VPS37C: variants seen among roughly 807,000 people sequenced by gnomAD.
VPS37C encodes the protein VPS37C subunit of ESCRT-I, also known as vacuolar protein sorting-associated protein 37C.
In VPS37C, 9 loss-of-function variants were observed where a neutral mutation model predicts 16.1. The ratio of observed to expected loss-of-function variants is 0.56; its 90% CI spans 0.34 to 0.97. The LOEUF (loss-of-function observed/expected upper bound fraction) is 0.97. Ranked by LOEUF, VPS37C falls within the 50% of genes least tolerant of loss-of-function variation. The probability of loss-of-function intolerance (pLI) is 0.02; values close to 1 mark genes in which losing one functional copy is unlikely to be tolerated. For synonymous variants in VPS37C, 207 were observed against 206.4 expected, an observed-to-expected ratio of 1.00 and a Z score of -0.02; for missense variants, 479 against 472.7, an observed-to-expected ratio of 1.01 and a Z score of -0.12.
intron 1 of VPS37C, among the ~76,000 whole-genome samples, chr11:61,153,978 C>T (rs1224557264): frequency 6.6e-6 from 1 of 152,240 alleles, no homozygotes; most frequent in African/African-American, 2.4e-5. Context: ...TGGTAAAGCA[C>T]TAAGGACAGA....
chr11:61,134,536 A>G (rs1377661554), intron 2 of VPS37C, among the ~76,000 whole-genome samples: 2 of 152,224 alleles, frequency 1.3e-5, no homozygotes, highest in Admixed American at 1.3e-4. Flanking sequence ...ACCAATTTAC[A>G]TGAGAAAAAG....
At chr11:61,149,183 G>A (rs1016307562) in intron 1 of VPS37C, among the ~76,000 whole-genome samples, 2 of 152,220 alleles carry the variant, frequency 1.3e-5, no homozygotes, top group Non-Finnish European at 2.9e-5. Context: ...CTACTCAGGA[G>A]GCTGAGGCAG....
chr11:61,132,112 G>A lies in VPS37C; in HGVS notation c.776C>T (p.Ser259Phe). Residue 259 changes from serine to phenylalanine, a missense_variant, in exon 5 of 5, where the codon TCC (serine) becomes TTC (phenylalanine). By Grantham distance (155) the Ser-to-Phe change is radical. Coordinates refer to ENST00000301765, the MANE Select transcript of VPS37C (RefSeq NM_017966.5). ...QLGPRGAAGY[S>F]WSPQRSMPPR... ...TGGCATGCTCCTCTGTGGGGACCAGGAGTAACCCGCAGCACCCCTGGGTCC... is the reference window on the plus strand; with the variant it reads ...TGGCATGCTCCTCTGTGGGGACCAGAAGTAACCCGCAGCACCCCTGGGTCC... 1.4e-6 allele frequency: 2 copies of A among 1,432,880 alleles called. No individual in the cohort carries two copies. Among genetic ancestry groups the A allele is most frequent in the South Asian group, 3.0e-5 (2 of 65,736 alleles). The allele number at this position is 1,432,880 out of a possible 1,614,324, so 88.8% of individuals were successfully genotyped here.
At position 61,138,931 on chromosome 11, in the gene VPS37C, T is replaced by C. The variant is rs11605375; in HGVS notation, c.-6-96A>G. 1,680 of 1,129,742 alleles carry C rather than the reference T, an allele frequency of 1.5e-3. 3 individuals are homozygous for C. Among genetic ancestry groups the C allele is most frequent in the Non-Finnish European group, 2.1e-3 (1,576 of 752,844 alleles). The allele number at this position is 1,129,742 out of a possible 1,614,324, so 70.0% of individuals were successfully genotyped here. On this transcript the variant is annotated intron_variant, in intron 1 of 4. Transcript: ENST00000301765. ...TGATTTATCAAAAACAAACTGGAGT[T>C]TTCCTGCGATAATACCACTCCACCG...
intron 2 of VPS37C, among the ~76,000 whole-genome samples, chr11:61,137,788 T>C (rs759730024): frequency 6.6e-6 from 1 of 152,088 alleles, no homozygotes; most frequent in Non-Finnish European, 1.5e-5. Flanking sequence ...TTCAACCCAA[T>C]GTTCAGTCAC....
intron 1 of VPS37C, among the ~76,000 whole-genome samples, chr11:61,146,766 T>G (rs1853212802): frequency 6.6e-6 from 1 of 152,242 alleles, no homozygotes; most frequent in Non-Finnish European, 1.5e-5. Flanking sequence ...CCCTGGTTCC[T>G]CACTACCAGC....
chr11:61,148,488 C>T (rs1188667833), intron 1 of VPS37C, among the ~76,000 whole-genome samples: 1 of 151,762 alleles, frequency 6.6e-6, no homozygotes, highest in Non-Finnish European at 1.5e-5. Flanking sequence ...GAAATATTTG[C>T]AGGCCTAATC....
At chr11:61,133,013 C>T (rs1861300920) in intron 4 of VPS37C, 1 of 622,212 alleles carries the variant, frequency 1.6e-6, no homozygotes, top group Non-Finnish European at 2.9e-6. Context: ...TGCTGCCCTA[C>T]CATCCAGGGC....
At chr11:61,159,190 A>G (rs1298171009) in intron 1 of VPS37C, among the ~76,000 whole-genome samples, 1 of 152,230 alleles carries the variant, frequency 6.6e-6, no homozygotes, top group Non-Finnish European at 1.5e-5. Context: ...CAATAAACAA[A>G]AAGAAAACAA....
rs113890928 is a variant in VPS37C at position 61,134,294 on chromosome 11, T to C, written c.94-87A>G. 7.2e-5 allele frequency: 104 copies of C among 1,444,138 alleles called. 1 individual carries two copies. The highest frequency in any genetic ancestry group is 3.2e-4 in the African/African-American group (23 of 71,084). 89.5% of individuals were successfully genotyped at this position (1,444,138 alleles called of 1,614,324 possible). On this transcript the variant is annotated intron_variant, in intron 2 of 4. Coordinates refer to ENST00000301765, the MANE Select transcript of VPS37C (RefSeq NM_017966.5). ...CTGGGTCAGGGGCTTCGGGGACACATTGCTCACCTTGGGGCGGAGAGGCTC... is the reference window on the plus strand; with the variant it reads ...CTGGGTCAGGGGCTTCGGGGACACACTGCTCACCTTGGGGCGGAGAGGCTC...
chr11:61,131,677 GTCCC>G lies in VPS37C; in HGVS notation c.*139_*142del, dbSNP rs1453223139. 9 of 1,141,410 alleles carry G rather than the reference GTCCC, an allele frequency of 7.9e-6. No homozygotes were observed. Among genetic ancestry groups the G allele is most frequent in the Non-Finnish European group, 9.9e-6 (9 of 905,980 alleles). The allele number at this position is 1,141,410 out of a possible 1,614,324, so 70.7% of individuals were successfully genotyped here. On this transcript the variant is annotated 3_prime_UTR_variant, in exon 5 of 5. Coordinates refer to ENST00000301765, the MANE Select transcript of VPS37C (RefSeq NM_017966.5). ...GACCAGTCACACCGCCCAGTGCCTT[GTCCC>G]TCCAAGGCCTCTGGGTGCCGACGCA... is the stretch of plus-strand genomic sequence containing the variant.
At position 61,132,367 on chromosome 11, in the gene VPS37C, C is replaced by T. The variant is rs375223987; in HGVS notation, c.521G>A (p.Arg174His). 2.8e-5 allele frequency: 43 copies of T among 1,522,732 alleles called. No homozygotes were observed. The highest frequency in any genetic ancestry group is 2.4e-4 in the East Asian group (9 of 38,238). The allele number at this position is 1,522,732 out of a possible 1,614,324, so 94.3% of individuals were successfully genotyped here. A position where few individuals can be genotyped will look rare whatever the true frequency, so the allele number is the denominator to read the frequency against. The change falls in exon 5 of 5, where the codon CGT becomes CAT. Residue 174 changes from arginine (R) to histidine (H), a missense_variant. By Grantham distance (29) the Arg-to-His change is conservative (BLOSUM62 0). Coordinates refer to ENST00000301765, the MANE Select transcript of VPS37C (RefSeq NM_017966.5). Reference protein sequence around the residue: ...QELAGDAPPPRPPPPVRPVPQ... With the variant: ...QELAGDAPPPHPPPPVRPVPQ... ...GACTGGGCGCACCGGGGGTGGTGGACGGGGTGGAGGGGCATCGCCGGCCAG... is the reference window on the plus strand; with the variant it reads ...GACTGGGCGCACCGGGGGTGGTGGATGGGGTGGAGGGGCATCGCCGGCCAG...
chr11:61,157,029 G>A (rs1482105610), intron 1 of VPS37C, among the ~76,000 whole-genome samples: 1 of 152,228 alleles, frequency 6.6e-6, no homozygotes, highest in African/African-American at 2.4e-5. Context: ...TTAGGATAAT[G>A]TCTTCAAGGT....
chr11:61,151,421 G>C (rs1481832183), intron 1 of VPS37C, among the ~76,000 whole-genome samples: 3 of 152,214 alleles, frequency 2.0e-5, no homozygotes, highest in South Asian at 2.1e-4. Flanking sequence ...CTGCAGGGGA[G>C]ACCCAGGGAT....
chr11:61,148,003 C>A (rs184475277), intron 1 of VPS37C, among the ~76,000 whole-genome samples: 9 of 152,314 alleles, frequency 5.9e-5, no homozygotes, highest in Non-Finnish European at 1.2e-4. Flanking sequence ...ATAATCCCAC[C>A]TTAGGGGTTG....
chr11:61,153,382 G>C (rs1204715884), intron 1 of VPS37C, among the ~76,000 whole-genome samples: 1 of 152,206 alleles, frequency 6.6e-6, no homozygotes, highest in Non-Finnish European at 1.5e-5. Flanking sequence ...CAAACATGCA[G>C]AAGTGTGAGT....
At position 61,133,375 on chromosome 11, in the gene VPS37C, G is replaced by T. The variant is rs1012250256; in HGVS notation, c.266-38C>A. 3 of 1,603,900 alleles carry T rather than the reference G, an allele frequency of 1.9e-6. No homozygotes were observed. In the African/African-American group the frequency reaches 4.0e-5, roughly 21 times the overall value. On this transcript the variant is annotated intron_variant, in intron 3 of 4. Coordinates refer to ENST00000301765, the MANE Select transcript of VPS37C (RefSeq NM_017966.5). ...GCAGAACGACTGACATTTGAAAAGT[G>T]CTTCCTGATTCAGTGTTAAAGGCAC...
At chr11:61,144,700 C>G (rs1172478015) in intron 1 of VPS37C, 2 of 152,410 alleles carry the variant, frequency 1.3e-5, no homozygotes, top group African/African-American at 4.8e-5. Context: ...GGCCACAGCT[C>G]ATGAGACGAG....
In VPS37C at chr11:61,133,257, C is replaced by G; in HGVS notation, c.346G>C (p.Glu116Gln). Reference protein sequence around the residue: ...VEGMKIEEESEAMAEKFLEGE... With the variant: ...VEGMKIEEESQAMAEKFLEGE... ...GGGGTGTCGCCTCGCCCTCTCACCT[C>G]GGACTCTTCTTCGATCTTCATGCCT... Residue 116 changes from glutamate to glutamine, a missense_variant and splice_region_variant, in exon 4 of 5, where the codon GAG becomes CAG. By Grantham distance (29) the Glu-to-Gln change is conservative. Coordinates refer to ENST00000301765, the MANE Select transcript of VPS37C (RefSeq NM_017966.5). 6.2e-7 allele frequency: 1 copy of G among 1,614,102 alleles called. No individual in the cohort carries two copies. The highest frequency in any genetic ancestry group is 8.5e-7 in the Non-Finnish European group (1 of 1,180,018).
Sources: gnomAD v4.1 joint callset for allele counts (sites outside exome capture counted in the v4.1 genomes callset) on GRCh38, gnomAD v4.1.1 for gene constraint, MANE v1.5 for transcripts, NCBI Gene and HGNC (gene_info 2026-07-23, HGNC 2026-07-21) for gene names.